Variants in ARPP21 observed in about 807,000 individuals in gnomAD.
ARPP21 encodes the protein cAMP regulated phosphoprotein 21.
ARPP21 carries 69 observed loss-of-function variants against 113.2 expected under a neutral mutation model. The ratio of observed to expected loss-of-function variants is 0.61; its 90% CI spans 0.50 to 0.74. The LOEUF (loss-of-function observed/expected upper bound fraction) is 0.74, where lower values mean the gene tolerates loss of function less well. ARPP21 is among the 30% of genes least tolerant of loss of function. ARPP21 has a pLI of 0.00. For missense variants in ARPP21, 1,070 were observed against 1,037.4 expected (o/e 1.03, Z -0.43); for synonymous variants, 368 against 375.5 (o/e 0.98, Z 0.23).
At chr3:35,789,977 A>G (rs533904199) in intron 19 of ARPP21, among the ~76,000 whole-genome samples, 5 of 152,286 alleles carry the variant, frequency 3.3e-5, no homozygotes, top group Non-Finnish European at 5.9e-5. Context: ...GAAGGATTCA[A>G]TAAGGAAATA....
intron 19 of ARPP21, among the ~76,000 whole-genome samples, chr3:35,748,353 GGA>G (rs1041660611): frequency 5.6e-4 from 79 of 140,872 alleles, no homozygotes; most frequent in African/African-American, 1.9e-3. Context: ...AAGGGAGAAA[GGA>G]GAGAGAGAAA....
intron 19 of ARPP21, among the ~76,000 whole-genome samples, chr3:35,764,243 C>T (rs907798726): frequency 2.0e-5 from 3 of 152,058 alleles, no homozygotes; most frequent in Non-Finnish European, 2.9e-5. Flanking sequence ...TAAGAAATCT[C>T]TTAGAGACAC....
At chr3:35,692,576 G>T (rs1434427363) in intron 9 of ARPP21, among the ~76,000 whole-genome samples, 4 of 151,590 alleles carry the variant, frequency 2.6e-5, no homozygotes, top group Non-Finnish European at 5.9e-5. Context: ...TCAACTGGTG[G>T]ACAGTAGATT....
At chr3:35,709,207 GTGATTT>G in intron 11 of ARPP21, 137 bp downstream of exon 11, 1 of 647,820 alleles carries the variant, frequency 1.5e-6, no homozygotes, top group Admixed American at 2.9e-5. Flanking sequence ...AAAACTAGAG[GTGATTT>G]TGGAAGAGGA....
chr3:35,707,345 G>T, intron 10 of ARPP21: 2 of 613,372 alleles, frequency 3.3e-6, no homozygotes, highest in Non-Finnish European at 6.1e-6. Context: ...TCCGCTGCAT[G>T]TCTGGGAGGG....
chr3:35,668,011 GAA>G (rs2075235829), intron 1 of ARPP21, among the ~76,000 whole-genome samples: 16 of 149,984 alleles, frequency 1.1e-4, no homozygotes, highest in African/African-American at 3.0e-4. Context: ...AGAAGAAGAA[GAA>G]GAAGAAGAAG....
At chr3:35,722,094 A>G (rs2093131960) in intron 14 of ARPP21, among the ~76,000 whole-genome samples, 1 of 152,136 alleles carries the variant, frequency 6.6e-6, no homozygotes, top group African/African-American at 2.4e-5. Context: ...AACCCATCTC[A>G]GTAGACTTAG....
intron 14 of ARPP21, 57 bp from the exon 15 acceptor site, chr3:35,729,245 TG>T: frequency 8.3e-7 from 1 of 1,203,742 alleles, no homozygotes; most frequent in Non-Finnish European, 1.2e-6. Flanking sequence ...AGACTCAGAT[TG>T]GTGCTTTCTC....
chr3:35,683,496 AT>A (rs3215211), intron 4 of ARPP21, among the ~76,000 whole-genome samples: 20 of 151,642 alleles, frequency 1.3e-4, no homozygotes, highest in Admixed American at 6.6e-4. Flanking sequence ...TACTAAAAGT[AT>A]TTTTTTTAAT....
chr3:35,664,938 C>T (rs1709539412), intron 1 of ARPP21, among the ~76,000 whole-genome samples: 1 of 152,124 alleles, frequency 6.6e-6, no homozygotes, highest in Non-Finnish European at 1.5e-5. Flanking sequence ...ACTTAGCCCA[C>T]CTGCTATTTT....
intron 19 of ARPP21, among the ~76,000 whole-genome samples, chr3:35,772,219 G>C (rs1368078771): frequency 6.6e-6 from 1 of 152,082 alleles, no homozygotes; most frequent in East Asian, 1.9e-4. Context: ...GTTATTCTTG[G>C]AAATGAAATG....
intron 19 of ARPP21, among the ~76,000 whole-genome samples, chr3:35,779,600 G>C (rs1416628347): frequency 6.6e-6 from 1 of 150,992 alleles, no homozygotes; most frequent in African/African-American, 2.4e-5. Context: ...AAAAAAAAGT[G>C]GGGGGCAGGT....
intron 13 of ARPP21, among the ~76,000 whole-genome samples, chr3:35,718,588 T>A (rs930231224): frequency 6.6e-6 from 1 of 152,048 alleles, no homozygotes; most frequent in African/African-American, 2.4e-5. Context: ...CAAATATGGA[T>A]TTCATCACCC....
chr3:35,667,889 G>GA (rs1559548018), intron 1 of ARPP21, among the ~76,000 whole-genome samples: 5,524 of 120,334 alleles, frequency 0.046, 195 homozygotes, highest in Non-Finnish European at 0.064. Context: ...AGAAGAAGAA[G>GA]AGGAAGAGGA....
At chr3:35,662,058 T>C (rs983262091) in intron 1 of ARPP21, among the ~76,000 whole-genome samples, 1 of 152,136 alleles carries the variant, frequency 6.6e-6, no homozygotes, top group Admixed American at 6.5e-5. Context: ...TTATGTAGCA[T>C]TATAGTGGCC....
At chr3:35,785,370 G>T (rs1408608717) in intron 19 of ARPP21, 2 of 152,156 alleles carry the variant, frequency 1.3e-5, no homozygotes, top group Non-Finnish European at 2.9e-5. Context: ...AAAGTTCAGA[G>T]AATTACTTCA....
Position 35,719,508 on chromosome 3 carries a change from A to T in ARPP21, c.996-2097A>T, listed in dbSNP as rs145073188. On this transcript the variant is annotated intron_variant, in intron 13 of 20. Transcript: ENST00000684406. ...TTCTTACAGCTCTAAAACTAGCTCT[A>T]CCAGGGAGAAGGGTGTAGACTACAA... Among the ~76,000 whole-genome samples, 146 of 152,308 alleles carry T rather than the reference A, an allele frequency of 9.6e-4. 1 individual carries two copies. Among genetic ancestry groups the T allele is most frequent in the Non-Finnish European group, 1.9e-3 (130 of 68,020 alleles).
intron 16 of ARPP21, 113 bp from the exon 17 acceptor site, chr3:35,738,101 C>T: frequency 1.6e-6 from 1 of 637,912 alleles, no homozygotes. Context: ...GGCTAGTTCC[C>T]CTCTCTGGAG....
At chr3:35,667,952 A>AGG (rs2075057193) in intron 1 of ARPP21, among the ~76,000 whole-genome samples, 3 of 12,118 alleles carry the variant, frequency 2.5e-4, no homozygotes, top group African/African-American at 7.6e-4. Flanking sequence ...AGAAGAAAAG[A>AGG]AGAAGAAGAA....
Sources: gnomAD v4.1 joint callset for allele counts (sites outside exome capture counted in the v4.1 genomes callset) on GRCh38, gnomAD v4.1.1 for gene constraint, MANE v1.5 for transcripts, NCBI Gene and HGNC (gene_info 2026-07-23, HGNC 2026-07-21) for gene names.